The following PIAS1 variants were observed in gnomAD, a reference collection of about 807,000 sequenced individuals.
The protein encoded by PIAS1 is E3 SUMO-protein ligase PIAS1.
A neutral mutation model predicts 71.3 loss-of-function variants in PIAS1; 6 were observed. The ratio of observed to expected loss-of-function variants is 0.08; its 90% CI spans 0.05 to 0.17. PIAS1 has a LOEUF of 0.17. Among genes scored for constraint, PIAS1 ranks in the 10% least tolerant of loss-of-function variants. The pLI is 1.00. For missense variants in PIAS1, 555 were observed against 793.6 expected, an observed-to-expected ratio of 0.70 and a Z score of 3.61; for synonymous variants, 303 against 292.9, an observed-to-expected ratio of 1.03 and a Z score of -0.35.
At chr15:68,124,002 A>G (rs1260941335) in intron 2 of PIAS1, among the ~76,000 whole-genome samples, 1 of 149,654 alleles carries the variant, frequency 6.7e-6, no homozygotes. Flanking sequence ...ACACACGTAT[A>G]CATATATGTA....
intron 1 of PIAS1, among the ~76,000 whole-genome samples, chr15:68,081,436 A>G (rs929007871): frequency 6.6e-6 from 1 of 152,054 alleles, no homozygotes; most frequent in Non-Finnish European, 1.5e-5. Context: ...TTAGTATCTT[A>G]CTCTTAACTA....
At chr15:68,107,377 G>T (rs542106724) in intron 2 of PIAS1, among the ~76,000 whole-genome samples, 1 of 152,104 alleles carries the variant, frequency 6.6e-6, no homozygotes, top group Non-Finnish European at 1.5e-5. Flanking sequence ...CTTCTTAGGG[G>T]AAAGTGACCA....
At chr15:68,179,435 G>A (rs542381705) in intron 11 of PIAS1, among the ~76,000 whole-genome samples, 110 of 152,090 alleles carry the variant, frequency 7.2e-4, no homozygotes, top group Non-Finnish European at 1.4e-3. Context: ...GTTTCCATTA[G>A]ATGAAACATT....
intron 11 of PIAS1, among the ~76,000 whole-genome samples, chr15:68,177,150 G>A (rs2093024963): frequency 6.6e-6 from 1 of 151,820 alleles, no homozygotes; most frequent in South Asian, 2.1e-4. Flanking sequence ...GTGGTGGCAT[G>A]CGCCTGTAAT....
chr15:68,085,099 TATC>T (rs2092267527), intron 1 of PIAS1, among the ~76,000 whole-genome samples: 1 of 152,188 alleles, frequency 6.6e-6, no homozygotes. Flanking sequence ...TGGCTGGGGT[TATC>T]ATTGTGAGTG....
chr15:68,083,323 C>T (rs1465322494), intron 1 of PIAS1, among the ~76,000 whole-genome samples: 2 of 152,028 alleles, frequency 1.3e-5, no homozygotes, highest in Admixed American at 6.6e-5. Flanking sequence ...CAGTGTTTCC[C>T]GCCCCCTTCT....
At chr15:68,117,761 T>C (rs2092578326) in intron 2 of PIAS1, among the ~76,000 whole-genome samples, 1 of 152,240 alleles carries the variant, frequency 6.6e-6, no homozygotes, top group Non-Finnish European at 1.5e-5. Context: ...CGTCTCTCTG[T>C]GGACATTTAG....
intron 1 of PIAS1, among the ~76,000 whole-genome samples, chr15:68,080,336 G>T (rs1015088177): frequency 6.6e-6 from 1 of 152,140 alleles, no homozygotes; most frequent in Admixed American, 6.5e-5. Flanking sequence ...GCAATATTTT[G>T]TCATTTTGTG....
intron 2 of PIAS1, among the ~76,000 whole-genome samples, chr15:68,139,291 A>T (rs1242159142): frequency 6.6e-6 from 1 of 152,188 alleles, no homozygotes; most frequent in East Asian, 1.9e-4. Context: ...GTTCATCACC[A>T]GTCATCATCT....
chr15:68,095,783 G>A (rs1365532113), intron 2 of PIAS1, among the ~76,000 whole-genome samples: 1 of 151,214 alleles, frequency 6.6e-6, no homozygotes, highest in Admixed American at 6.6e-5. Context: ...TGCCCACCTC[G>A]GCCTCCCAAA....
chr15:68,088,174 G>GTGTA (rs1555424830), intron 2 of PIAS1, among the ~76,000 whole-genome samples: 4 of 27,938 alleles, frequency 1.4e-4, no homozygotes, highest in African/African-American at 5.5e-4. Flanking sequence ...GATTATGTGT[G>GTGTA]TGTATATATA....
chr15:68,101,756 A>G (rs2092429200), intron 2 of PIAS1, among the ~76,000 whole-genome samples: 2 of 151,822 alleles, frequency 1.3e-5, no homozygotes, highest in Non-Finnish European at 2.9e-5. Flanking sequence ...CCCCACTTGC[A>G]CACCCACCCC....
chr15:68,094,185 C>T (rs8025474), intron 2 of PIAS1, among the ~76,000 whole-genome samples: 32,975 of 151,126 alleles, frequency 0.22, 4,231 homozygotes, highest in Middle Eastern at 0.33. Flanking sequence ...GTTGTTCTTA[C>T]TTGACATGGG....
chr15:68,133,099 T>C (rs2092698785), intron 2 of PIAS1, among the ~76,000 whole-genome samples: 1 of 151,980 alleles, frequency 6.6e-6, no homozygotes, highest in Admixed American at 6.5e-5. Flanking sequence ...TAATGATGTA[T>C]CTTAGAGAGA....
chr15:68,075,935 A>AC (rs1378182332), intron 1 of PIAS1, among the ~76,000 whole-genome samples: 2 of 152,022 alleles, frequency 1.3e-5, no homozygotes, highest in African/African-American at 4.8e-5. Flanking sequence ...GGTGCCCAGG[A>AC]CCGTGCCTGG....
At chr15:68,068,458 T>TC (rs991906626) in intron 1 of PIAS1, among the ~76,000 whole-genome samples, 72 of 152,222 alleles carry the variant, frequency 4.7e-4, no homozygotes, top group African/African-American at 1.6e-3. Context: ...CGGGGTTAAG[T>TC]CTTTTTTTTT....
chr15:68,155,977 A>G (rs140103062), intron 7 of PIAS1, among the ~76,000 whole-genome samples: 19 of 152,226 alleles, frequency 1.2e-4, no homozygotes, highest in Admixed American at 2.0e-4. Context: ...GTGCCACCAT[A>G]ATTACTTTTT....
At chr15:68,144,741 TA>T (rs1411800458) in intron 4 of PIAS1, among the ~76,000 whole-genome samples, 1 of 152,150 alleles carries the variant, frequency 6.6e-6, no homozygotes, top group African/African-American at 2.4e-5. Flanking sequence ...CAGTAAATCT[TA>T]ACTTTTTTAT....
At chr15:68,155,824 TC>T (rs2092885010) in intron 7 of PIAS1, among the ~76,000 whole-genome samples, 1 of 152,156 alleles carries the variant, frequency 6.6e-6, no homozygotes, top group African/African-American at 2.4e-5. Flanking sequence ...TTTCTCCTCT[TC>T]CTTCTCCCTT....
Sources: allele counts gnomAD v4.1 joint callset (sites outside exome capture counted in the v4.1 genomes callset), GRCh38; gene constraint gnomAD v4.1.1; transcripts MANE v1.5; gene names NCBI Gene and HGNC (gene_info 2026-07-23, HGNC 2026-07-21).